The following PDZD2 variants were observed in gnomAD, a reference collection of about 807,000 sequenced individuals.
The protein encoded by PDZD2 is PDZ domain containing 2.
Under a neutral mutation model 220.7 loss-of-function variants are expected in PDZD2, and 90 were observed. The ratio of observed to expected loss-of-function variants is 0.41; its 90% confidence interval spans 0.34 to 0.49. The LOEUF (loss-of-function observed/expected upper bound fraction) is 0.49. Ranked by LOEUF, PDZD2 falls within the 20% of genes least tolerant of loss-of-function variation. PDZD2 has a pLI of 0.28. For missense variants in PDZD2, 3,174 were observed against 3,608.5 expected, an observed-to-expected ratio of 0.88 and a Z score of 3.08; for synonymous variants, 1,375 against 1,450.5, an observed-to-expected ratio of 0.95 and a Z score of 1.18.
At chr5:32,091,678 C>T (rs537002281) in intron 20 of PDZD2, among the ~76,000 whole-genome samples, 1 of 152,230 alleles carries the variant, frequency 6.6e-6, no homozygotes, top group Non-Finnish European at 1.5e-5. Flanking sequence ...CCATTAACTA[C>T]AGACTTCATT....
intron 21 of PDZD2, among the ~76,000 whole-genome samples, chr5:32,093,906 A>C (rs1285634259): frequency 2.6e-5 from 4 of 152,140 alleles, no homozygotes; most frequent in Non-Finnish European, 4.4e-5. Flanking sequence ...TGAACTTAGG[A>C]GGCAGAGGTT....
In PDZD2 at chr5:31,945,034, T is replaced by C. The variant is rs147451177; in HGVS notation, c.477-38121T>C. The stretch of plus-strand genomic sequence containing the variant: ...GAAGGGAGATTTATTAAGTGTGTCA[T>C]TGGATGATGCAAGTTGTATATCTTT... On this transcript the variant is annotated intron_variant, in intron 2 of 24. Transcript: ENST00000438447. Among the ~76,000 whole-genome samples, 5 of 152,314 alleles carry C rather than the reference T, an allele frequency of 3.3e-5. No individual in the cohort carries two copies. In the East Asian group the frequency reaches 9.6e-4, roughly 29 times the overall value.
chr5:31,639,464 G>A lies in PDZD2; in HGVS notation c.-361+27G>A, dbSNP rs1744850251. On this transcript the variant is annotated intron_variant, in intron 1 of 24. Coordinates refer to ENST00000438447, the MANE Select transcript of PDZD2 (RefSeq NM_178140.4). This position sits in a 1 kb window ranked among gnomAD's most constrained non-coding sequence, Gnocchi z 4.1. ...TGAAGCGACCGTCCCGCTGCAGCCG[G>A]GACGCGCGGCTCCGGGTGGGCAGGG... 2.0e-5 allele frequency: 3 copies of A among 151,952 alleles called. No homozygotes were observed. The highest frequency in any genetic ancestry group is 2.9e-5 in the Non-Finnish European group (2 of 67,950). The allele number at this position is 151,952 out of a possible 1,614,324, so 9.4% of individuals were successfully genotyped here.
intron 2 of PDZD2, among the ~76,000 whole-genome samples, chr5:31,943,914 G>A (rs1010936509): frequency 1.3e-5 from 2 of 152,168 alleles, no homozygotes; most frequent in Non-Finnish European, 2.9e-5. Flanking sequence ...GGCAACAAAG[G>A]ACAGTAGTAT....
In PDZD2 at chr5:31,689,336, C is replaced by CATATAT. The variant is rs200801339; in HGVS notation, c.-361+49912_-361+49917dup. On this transcript the variant is annotated intron_variant, in intron 1 of 24. Coordinates refer to ENST00000438447, the MANE Select transcript of PDZD2 (RefSeq NM_178140.4). ...ACATATACACATATATATACATATA[C>CATATAT]ATATATATATATATATATTTTTTTT... 1.0e-3 allele frequency among the ~76,000 whole-genome samples: 56 copies of CATATAT among 55,194 alleles called. 1 individual carries two copies. Among genetic ancestry groups the CATATAT allele is most frequent in the African/African-American group, 2.3e-3 (21 of 8,964 alleles). The allele number at this position is 55,194 out of a possible 152,430, so 36.2% of individuals were successfully genotyped here. A position where few individuals can be genotyped will look rare whatever the true frequency, so the allele number is the denominator to read the frequency against.
rs1446162109 is a variant in PDZD2, at chr5:31,953,052, TC to T, written c.477-30101del. Among the ~76,000 whole-genome samples the T allele has an allele frequency of 3.3e-5, 4 of 122,574 alleles. No individual in the cohort carries two copies. In the East Asian group the frequency reaches 9.2e-4, roughly 28 times the overall value. 80.4% of individuals were successfully genotyped at this position (122,574 alleles called of 152,430 possible). A position where few individuals can be genotyped will look rare whatever the true frequency, so the allele number is the denominator to read the frequency against. ...CAGCATGGGCAAGACAGAGTGAGACTCCATCTCAAAAAAAAAAAAAAAAAAG... is the reference window on the plus strand; with the variant it reads ...CAGCATGGGCAAGACAGAGTGAGACTCATCTCAAAAAAAAAAAAAAAAAAG... On this transcript the variant is annotated intron_variant, in intron 2 of 24. Transcript: ENST00000438447.
rs146912614 is a variant in PDZD2 at position 32,092,968 on chromosome 5, G to A, written c.7789G>A (p.Val2597Met). The A allele has an allele frequency of 2.1e-4, 342 of 1,608,646 alleles. 1 individual carries two copies. The highest frequency in any genetic ancestry group is 4.3e-5 in the Non-Finnish European group (51 of 1,175,392). Reference protein sequence around the residue: ...QQRLQSVLSSVGSKSTILTLI... With the variant: ...QQRLQSVLSSMGSKSTILTLI... ...AAGATTACAGTCTGTTTTATCGTCAGTGGGATCGAAATCTACCATCCTAAC... is the reference window on the plus strand; with the variant it reads ...AAGATTACAGTCTGTTTTATCGTCAATGGGATCGAAATCTACCATCCTAAC... The change falls in exon 21 of 25, where the codon GTG (valine) becomes ATG (methionine). Residue 2597 changes from valine (V) to methionine (M), a missense_variant. Around this residue, in one of 4 missense-constraint regions of PDZD2, gnomAD observed 631 missense variants for 789.9 expected, o/e 0.80. Transcript: ENST00000438447.
In PDZD2 at chr5:32,108,799, ACT is replaced by A. The variant is rs1163512008; in HGVS notation, c.*666_*667del. 1 of 152,678 alleles carries A rather than the reference ACT, an allele frequency of 6.5e-6. No individual in the cohort carries two copies. Among genetic ancestry groups the A allele is most frequent in the Non-Finnish European group, 1.5e-5 (1 of 68,048 alleles). The allele number at this position is 152,678 out of a possible 1,614,324, so 9.5% of individuals were successfully genotyped here. On this transcript the variant is annotated 3_prime_UTR_variant, in exon 25 of 25. Transcript: ENST00000438447. ...GTATAATGTACGTATGCAAAGTTCA[ACT>A]CAATAGGTTATTGATCACCATGAAG...
chr5:31,849,887 T>C (rs557808842), intron 2 of PDZD2, among the ~76,000 whole-genome samples: 637 of 42,226 alleles, frequency 0.015, 71 homozygotes, highest in Middle Eastern at 0.032. Context: ...TATATATATA[T>C]ACACATATAT....
intron 1 of PDZD2, among the ~76,000 whole-genome samples, chr5:31,746,263 T>C (rs541220627): frequency 1.1e-4 from 16 of 152,326 alleles, no homozygotes; most frequent in African/African-American, 3.8e-4. Context: ...TTTGAGTAGC[T>C]TCCTGAACAG....
At chr5:32,026,557 G>GCA (rs139271161) in intron 6 of PDZD2, among the ~76,000 whole-genome samples, 2,022 of 151,006 alleles carry the variant, frequency 0.013, 52 homozygotes, top group African/African-American at 0.044. Flanking sequence ...GTGCACGCAC[G>GCA]CACACACACA....
intron 7 of PDZD2, among the ~76,000 whole-genome samples, chr5:32,045,640 G>C (rs1278573407): frequency 6.6e-6 from 1 of 151,114 alleles, no homozygotes; most frequent in African/African-American, 2.4e-5. Flanking sequence ...TGTTGGCCAG[G>C]ATGGTCTCGA....
At chr5:32,020,387 A>G (rs1754106210) in intron 6 of PDZD2, among the ~76,000 whole-genome samples, 1 of 152,218 alleles carries the variant, frequency 6.6e-6, no homozygotes, top group Non-Finnish European at 1.5e-5. Flanking sequence ...CCATAGACAA[A>G]ATTATGGCAA....
intron 7 of PDZD2, among the ~76,000 whole-genome samples, chr5:32,043,735 C>T (rs1737649681): frequency 6.6e-6 from 1 of 152,182 alleles, no homozygotes; most frequent in Non-Finnish European, 1.5e-5. Flanking sequence ...ACAAGTGATT[C>T]TCGCGCCTCA....
chr5:32,023,320 C>G (rs914542235), intron 6 of PDZD2, among the ~76,000 whole-genome samples: 8 of 152,182 alleles, frequency 5.3e-5, no homozygotes, highest in Non-Finnish European at 1.2e-4. Flanking sequence ...ACCGTCTCCC[C>G]TCCCAGACAG....
At chr5:32,029,199 T>C (rs1279680789) in intron 6 of PDZD2, among the ~76,000 whole-genome samples, 1 of 151,896 alleles carries the variant, frequency 6.6e-6, no homozygotes, top group Non-Finnish European at 1.5e-5. Context: ...CTCAATAGTA[T>C]CAAAACATTG....
intron 1 of PDZD2, among the ~76,000 whole-genome samples, chr5:31,729,685 T>C (rs1384850726): frequency 6.6e-6 from 1 of 152,234 alleles, no homozygotes; most frequent in Non-Finnish European, 1.5e-5. Context: ...GGGTTGTTTT[T>C]ACAAAATGAG....
intron 2 of PDZD2, among the ~76,000 whole-genome samples, chr5:31,932,418 G>A (rs1346593410): frequency 3.9e-5 from 6 of 152,052 alleles, no homozygotes; most frequent in South Asian, 2.1e-4. Context: ...GCGTGGTGGC[G>A]TGTGCCTGTA....
intron 2 of PDZD2, among the ~76,000 whole-genome samples, chr5:31,963,208 A>G (rs1748413003): frequency 6.6e-6 from 1 of 152,228 alleles, no homozygotes; most frequent in Non-Finnish European, 1.5e-5. Context: ...TTCTCTTGAC[A>G]TTTAAAAACC....
Sources: allele counts gnomAD v4.1 joint callset (sites outside exome capture counted in the v4.1 genomes callset), GRCh38; gene constraint gnomAD v4.1.1; regional missense constraint gnomAD v4.1.1; non-coding constraint Gnocchi (gnomAD v3.1); transcripts MANE v1.5; gene names NCBI Gene and HGNC (gene_info 2026-07-23, HGNC 2026-07-21).